Variants in SLIT3 observed in about 807,000 individuals in gnomAD.
SLIT3 encodes the protein slit guidance ligand 3, also known as slit homolog 3 protein.
Under a neutral mutation model 184.0 loss-of-function variants are expected in SLIT3, and 68 were observed. That is an observed-to-expected ratio of 0.37 (90% CI 0.30 to 0.45). The LOEUF is 0.45. Ranked by LOEUF, SLIT3 falls within the 20% of genes least tolerant of loss-of-function variation. The pLI is 1.00. For synonymous variants in SLIT3, 831 were observed against 828.6 expected, an observed-to-expected ratio of 1.00 and a Z score of -0.05; for missense variants, 1,707 against 2,026.0, an observed-to-expected ratio of 0.84 and a Z score of 3.02.
At chr5:169,253,296 G>A (rs1422686893) in intron 1 of SLIT3, among the ~76,000 whole-genome samples, 1 of 152,088 alleles carries the variant, frequency 6.6e-6, no homozygotes, top group Non-Finnish European at 1.5e-5. Flanking sequence ...GACACAGCAT[G>A]GTATCTCAGC....
intron 8 of SLIT3, among the ~76,000 whole-genome samples, chr5:168,810,625 C>T (rs1757130074): frequency 6.6e-6 from 1 of 152,240 alleles, no homozygotes; most frequent in Non-Finnish European, 1.5e-5. Flanking sequence ...TTGGTCACCA[C>T]TTCGGCTCTG....
At chr5:169,242,406 C>T (rs1362418803) in intron 3 of SLIT3, among the ~76,000 whole-genome samples, 1 of 152,176 alleles carries the variant, frequency 6.6e-6, no homozygotes, top group Non-Finnish European at 1.5e-5. Context: ...TTTCCTCCCG[C>T]CTCTGTAGTT....
chr5:169,021,650 C>A (rs1164112127), intron 4 of SLIT3, among the ~76,000 whole-genome samples: 1 of 152,174 alleles, frequency 6.6e-6, no homozygotes, highest in Non-Finnish European at 1.5e-5. Flanking sequence ...CGTGCCCAGC[C>A]AAGATAGTAT....
intron 4 of SLIT3, among the ~76,000 whole-genome samples, chr5:168,925,121 C>T (rs1379887378): frequency 1.3e-5 from 2 of 152,110 alleles, no homozygotes; most frequent in African/African-American, 2.4e-5. Context: ...GTAACAGAAG[C>T]CATTATAGAC....
chr5:169,240,828 T>G (rs1765380303), intron 3 of SLIT3, among the ~76,000 whole-genome samples: 1 of 151,722 alleles, frequency 6.6e-6, no homozygotes, highest in Non-Finnish European at 1.5e-5. Flanking sequence ...TAATTCATAT[T>G]TTGTATCATA....
chr5:169,234,526 C>A (rs184103273), intron 3 of SLIT3, among the ~76,000 whole-genome samples: 58 of 152,290 alleles, frequency 3.8e-4, no homozygotes, highest in Middle Eastern at 6.8e-3. Context: ...CCAGCCTCAG[C>A]CTGAGTAGCT....
intron 4 of SLIT3, among the ~76,000 whole-genome samples, chr5:168,993,685 A>T (rs1581277009): frequency 6.6e-6 from 1 of 151,974 alleles, no homozygotes; most frequent in Non-Finnish European, 1.5e-5. Context: ...AAAAAAAAAA[A>T]ACTCCTGACT....
At position 169,251,447 on chromosome 5, in the gene SLIT3, T is replaced by C. The variant is rs772002661; in HGVS notation, c.210A>G (p.Arg70=). ...TCTTGGTGATCCTGGTGATATTATT[T>C]CTGTCCAGGTCACTGCAATGGAGAG... ...PRNAERLDLD[R]NNITRITKMD... The change falls in exon 2 of 36, where the codon AGA becomes AGG. Residue 70 remains arginine, a synonymous_variant. Transcript: ENST00000519560. 2.2e-5 allele frequency: 35 copies of C among 1,612,840 alleles called. No homozygotes were observed. Among genetic ancestry groups the C allele is most frequent in the Non-Finnish European group, 2.9e-5 (34 of 1,178,950 alleles).
At position 169,137,305 on chromosome 5, in the gene SLIT3, T is replaced by TACACAC. The variant is rs747552567; in HGVS notation, c.413+56168_413+56173dup. Among the ~76,000 whole-genome samples, 109 of 136,106 alleles carry TACACAC rather than the reference T, an allele frequency of 8.0e-4. 1 individual carries two copies. The highest frequency in any genetic ancestry group is 7.7e-3 in the Middle Eastern group (2 of 260). The allele number at this position is 136,106 out of a possible 152,430, so 89.3% of individuals were successfully genotyped here. Reference sequence around the variant, plus strand: ...TCCCCCTCTTCTCTTTCTATCTACATACACACACACACACACACACACACA... The same window carrying TACACAC: ...TCCCCCTCTTCTCTTTCTATCTACATACACACACACACACACACACACACACACACA... On this transcript the variant is annotated intron_variant, in intron 4 of 35. Transcript: ENST00000519560.
chr5:168,978,735 A>T (rs932697690), intron 4 of SLIT3, among the ~76,000 whole-genome samples: 9 of 152,214 alleles, frequency 5.9e-5, no homozygotes, highest in African/African-American at 2.2e-4. Context: ...AAAATACATT[A>T]TTTCAAAACA....
At chr5:168,699,414 C>T (rs1762153119) in intron 27 of SLIT3, among the ~76,000 whole-genome samples, 14 of 152,246 alleles carry the variant, frequency 9.2e-5, no homozygotes. Context: ...GGGGCTGCCG[C>T]CTCCTGACTG....
chr5:169,134,825 G>C (rs569972389), intron 4 of SLIT3, among the ~76,000 whole-genome samples: 1 of 152,144 alleles, frequency 6.6e-6, no homozygotes, highest in Non-Finnish European at 1.5e-5. Flanking sequence ...AGGCCCCTCC[G>C]TGGCATTTAT....
intron 9 of SLIT3, among the ~76,000 whole-genome samples, chr5:168,797,604 CT>C (rs1338926763): frequency 2.0e-5 from 3 of 152,188 alleles, no homozygotes; most frequent in African/African-American, 7.2e-5. Context: ...TGATGTGACG[CT>C]GGCCCCAAGG....
At chr5:169,281,632 T>C (rs576252782) in intron 1 of SLIT3, among the ~76,000 whole-genome samples, 89 of 152,066 alleles carry the variant, frequency 5.9e-4, no homozygotes, top group Non-Finnish European at 1.1e-3. Context: ...AAAAAAATTA[T>C]GTGAGCCAAT....
chr5:169,034,279 T>C (rs1757148682), intron 4 of SLIT3, among the ~76,000 whole-genome samples: 1 of 152,190 alleles, frequency 6.6e-6, no homozygotes, highest in African/African-American at 2.4e-5. Context: ...TTTGCTTTTG[T>C]GTCCTGAGCC....
At chr5:168,670,176 A>C (rs543981504) in intron 34 of SLIT3, among the ~76,000 whole-genome samples, 185 bp from the exon 35 acceptor site, 112 of 152,342 alleles carry the variant, frequency 7.4e-4, no homozygotes, top group African/African-American at 2.5e-3. Flanking sequence ...ACCAGCCAGA[A>C]GCCTGCGAGT....
intron 4 of SLIT3, among the ~76,000 whole-genome samples, chr5:169,142,655 C>T (rs1417429432): frequency 2.0e-5 from 3 of 152,226 alleles, no homozygotes; most frequent in Non-Finnish European, 2.9e-5. Context: ...GCCTGTGCTA[C>T]ACTCTGGACA....
intron 4 of SLIT3, among the ~76,000 whole-genome samples, chr5:168,925,319 C>T (rs943342206): frequency 8.5e-5 from 13 of 152,164 alleles, no homozygotes; most frequent in Admixed American, 2.6e-4. Context: ...TATGCACAAG[C>T]TGGGGAAGTG....
chr5:169,070,244 T>C (rs1758495702), intron 4 of SLIT3, among the ~76,000 whole-genome samples: 1 of 152,130 alleles, frequency 6.6e-6, no homozygotes, highest in Non-Finnish European at 1.5e-5. Context: ...AGTAACTGGA[T>C]GTTTCTGGGA....
Sources: allele counts gnomAD v4.1 joint callset (sites outside exome capture counted in the v4.1 genomes callset), GRCh38; gene constraint gnomAD v4.1.1; transcripts MANE v1.5; gene names NCBI Gene and HGNC (gene_info 2026-07-23, HGNC 2026-07-21).